The following ANKS6 variants were observed in gnomAD, a reference collection of about 807,000 sequenced individuals.
The protein encoded by ANKS6 is ankyrin repeat and SAM domain-containing protein 6.
A neutral mutation model predicts 77.9 loss-of-function variants in ANKS6; 47 were observed. The ratio of observed to expected loss-of-function variants is 0.60; its 90% CI spans 0.48 to 0.77. ANKS6 has a LOEUF of 0.77. Ranked by LOEUF, ANKS6 falls within the 30% of genes least tolerant of loss-of-function variation. The pLI is 0.00. For missense variants in ANKS6, 1,150 were observed against 1,159.1 expected, an observed-to-expected ratio of 0.99 and a Z score of 0.11; for synonymous variants, 488 against 501.7, an observed-to-expected ratio of 0.97 and a Z score of 0.37.
chr9:98,733,990 T>C lies in ANKS6; in HGVS notation c.*2529A>G, dbSNP rs1043096571. The C allele has an allele frequency of 5.1e-6, 5 of 984,946 alleles. No individual in the cohort carries two copies. Among genetic ancestry groups the C allele is most frequent in the African/African-American group, 3.5e-5 (2 of 57,068 alleles). 61.0% of individuals were successfully genotyped at this position (984,946 alleles called of 1,614,324 possible). ...CACGTGTGGGAAGGGAAGGGGGTGA[T>C]CAAGGACCAAAAATCAGAAAAACAA... is the stretch of plus-strand genomic sequence containing the variant. On this transcript the variant is annotated 3_prime_UTR_variant, in exon 15 of 15. Coordinates refer to ENST00000353234, the MANE Select transcript of ANKS6 (RefSeq NM_173551.5).
In ANKS6 at chr9:98,734,883, G is replaced by A. The variant is rs763441741; in HGVS notation, c.*1636C>T. 1 of 985,448 alleles carries A rather than the reference G, an allele frequency of 1.0e-6. No homozygotes were observed. Among genetic ancestry groups the A allele is most frequent in the Non-Finnish European group, 1.2e-6 (1 of 829,936 alleles). 61.0% of individuals were successfully genotyped at this position (985,448 alleles called of 1,614,324 possible). A position where few individuals can be genotyped will look rare whatever the true frequency, so the allele number is the denominator to read the frequency against. ...TGAAACACTTTGTCTTCAGTCCTGT[G>A]GAAAGTTGGCTTCTGTGAGTGTAAG... On this transcript the variant is annotated 3_prime_UTR_variant, in exon 15 of 15. Transcript: ENST00000353234.
chr9:98,771,592 C>T (rs1046140027), intron 9 of ANKS6, among the ~76,000 whole-genome samples: 5 of 152,218 alleles, frequency 3.3e-5, no homozygotes, highest in African/African-American at 4.8e-5. Flanking sequence ...CCCTCTGCTT[C>T]GCTTGCTCTG....
chr9:98,752,344 C>T (rs1446335988), intron 12 of ANKS6, among the ~76,000 whole-genome samples: 1 of 152,180 alleles, frequency 6.6e-6, no homozygotes. Context: ...TGAGGCAGTG[C>T]ATGCAGCTTA....
chr9:98,737,490 AT>A (rs1324479271), intron 14 of ANKS6, among the ~76,000 whole-genome samples: 1 of 148,952 alleles, frequency 6.7e-6, no homozygotes, highest in Non-Finnish European at 1.5e-5. Flanking sequence ...CTGCAAAAAA[AT>A]AAAAAAAAAA....
intron 2 of ANKS6, among the ~76,000 whole-genome samples, chr9:98,787,388 T>C (rs77260229): frequency 6.7e-6 from 1 of 148,616 alleles, no homozygotes; most frequent in East Asian, 2.0e-4. Context: ...TTTTTTTTTT[T>C]AACCCTGTGG....
At chr9:98,783,643 T>A (rs952878561) in intron 4 of ANKS6, 1 of 256,274 alleles carries the variant, frequency 3.9e-6, no homozygotes, top group African/African-American at 2.2e-5. Context: ...AAAACTCCAA[T>A]GAATCAGTCA....
intron 1 of ANKS6, among the ~76,000 whole-genome samples, chr9:98,794,584 C>T (rs2118204996): frequency 6.6e-6 from 1 of 152,282 alleles, no homozygotes; most frequent in South Asian, 2.1e-4. Flanking sequence ...AACTGAGGAA[C>T]AGCACATTTT....
At position 98,779,724 on chromosome 9, in the gene ANKS6, C is replaced by T. The variant is rs145069364; in HGVS notation, c.1368+465G>A. On this transcript the variant is annotated intron_variant, in intron 6 of 14. Coordinates refer to ENST00000353234, the MANE Select transcript of ANKS6 (RefSeq NM_173551.5). ...TGTCGCCCAGGCTGGAGTGCAGTGG[C>T]GCGATCTCGACTCACTGCAAGCTCC... is the stretch of plus-strand genomic sequence containing the variant. Among the ~76,000 whole-genome samples the T allele has an allele frequency of 2.2e-3, 327 of 152,000 alleles. 4 individuals carry two copies. Among genetic ancestry groups the T allele is most frequent in the African/African-American group, 7.4e-3 (308 of 41,460 alleles).
intron 14 of ANKS6, among the ~76,000 whole-genome samples, chr9:98,739,274 A>G (rs1831679300): frequency 6.6e-6 from 1 of 152,088 alleles, no homozygotes; most frequent in Non-Finnish European, 1.5e-5. Flanking sequence ...TATGGAAATA[A>G]AAAATTAAAA....
chr9:98,751,884 C>T (rs1310485365), intron 12 of ANKS6, among the ~76,000 whole-genome samples: 1 of 152,144 alleles, frequency 6.6e-6, no homozygotes, highest in Non-Finnish European at 1.5e-5. Context: ...AGTTCAAAAC[C>T]AGGCCTGGCA....
intron 8 of ANKS6, among the ~76,000 whole-genome samples, chr9:98,777,018 GT>G (rs1257901134): frequency 6.6e-6 from 1 of 152,188 alleles, no homozygotes; most frequent in Non-Finnish European, 1.5e-5. Flanking sequence ...ACATCTCTAA[GT>G]TACAGATGAG....
chr9:98,757,447 G>A (rs1240210889), intron 11 of ANKS6, among the ~76,000 whole-genome samples: 1 of 152,128 alleles, frequency 6.6e-6, no homozygotes, highest in Admixed American at 6.5e-5. Context: ...ATCATTTTGG[G>A]ATTATCTTAA....
At chr9:98,770,566 A>G (rs1213570667) in intron 10 of ANKS6, among the ~76,000 whole-genome samples, 1 of 152,162 alleles carries the variant, frequency 6.6e-6, no homozygotes, top group African/African-American at 2.4e-5. Context: ...GAAGGGGCAG[A>G]ATGAGAAGCT....
chr9:98,762,546 A>G (rs1833072098), intron 11 of ANKS6, among the ~76,000 whole-genome samples: 2 of 152,214 alleles, frequency 1.3e-5, no homozygotes, highest in South Asian at 4.1e-4. Context: ...TCCTGGCTAT[A>G]TGTGTTTTAT....
chr9:98,782,067 C>G (rs1588404049), intron 5 of ANKS6, among the ~76,000 whole-genome samples: 1 of 152,288 alleles, frequency 6.6e-6, no homozygotes, highest in East Asian at 1.9e-4. Context: ...CACAATTAAG[C>G]TGAGAAGGCC....
chr9:98,796,050 G>A (rs1389842780), intron 1 of ANKS6, 83 bp downstream of exon 1: 2 of 1,235,626 alleles, frequency 1.6e-6, no homozygotes, highest in Non-Finnish European at 2.0e-6. Context: ...TCACCTCCCG[G>A]GGCATCCGGC....
chr9:98,739,758 A>ATTTTCTTTTTTTTTTTTTTT (rs1554731569), intron 14 of ANKS6, among the ~76,000 whole-genome samples: 1 of 88,858 alleles, frequency 1.1e-5, no homozygotes, highest in Non-Finnish European at 2.1e-5. Context: ...TGGATTAAAC[A>ATTTTCTTTTTTTTTTTTTTT]TTTTTTTTTT....
rs749499336 is a variant in ANKS6 at position 98,739,758 on chromosome 9, ATTT to A, written c.2512-3138_2512-3136del. 6.8e-5 allele frequency among the ~76,000 whole-genome samples: 6 copies of A among 88,848 alleles called. 2 individuals carry two copies. Among genetic ancestry groups the A allele is most frequent in the Admixed American group, 2.9e-4 (2 of 6,896 alleles). The allele number at this position is 88,848 out of a possible 152,430, so 58.3% of individuals were successfully genotyped here. A position where few individuals can be genotyped will look rare whatever the true frequency, so the allele number is the denominator to read the frequency against. On this transcript the variant is annotated intron_variant, in intron 14 of 14. Transcript: ENST00000353234. Reference sequence around the variant, plus strand: ...CTCAGAGGGCAGCAGTGGATTAAACATTTTTTTTTTTTTTTTGAGACGGAGTCT... The same window carrying A: ...CTCAGAGGGCAGCAGTGGATTAAACATTTTTTTTTTTTTGAGACGGAGTCT...
intron 11 of ANKS6, among the ~76,000 whole-genome samples, chr9:98,765,492 T>C (rs4133240): frequency 0.96 from 146,245 of 152,284 alleles, 70,474 homozygotes; most frequent in African/African-American, 0.99. Flanking sequence ...TCCAAGCTTG[T>C]TGTAGACACA....
Sources: allele counts gnomAD v4.1 joint callset (sites outside exome capture counted in the v4.1 genomes callset), GRCh38; gene constraint gnomAD v4.1.1; transcripts MANE v1.5; gene names NCBI Gene and HGNC (gene_info 2026-07-23, HGNC 2026-07-21).